Variants in PRDM12 observed in about 807,000 individuals in gnomAD.
The protein encoded by PRDM12 is PR domain zinc finger protein 12.
A neutral mutation model predicts 29.6 loss-of-function variants in PRDM12; 17 were observed. The ratio of observed to expected loss-of-function variants is 0.57; its 90% CI spans 0.39 to 0.86. PRDM12 has a LOEUF of 0.86. Ranked by LOEUF, PRDM12 falls within the 40% of genes least tolerant of loss-of-function variation. The pLI is 0.00. For synonymous variants in PRDM12, 231 were observed against 225.8 expected, an observed-to-expected ratio of 1.02 and a Z score of -0.21; for missense variants, 422 against 510.8, an observed-to-expected ratio of 0.83 and a Z score of 1.68.
chr9:130,671,061 C>T (rs893276726), intron 3 of PRDM12, among the ~76,000 whole-genome samples: 1 of 152,090 alleles, frequency 6.6e-6, no homozygotes, highest in African/African-American at 2.4e-5. Flanking sequence ...AAAAGAGGAT[C>T]AGGCAGGGCA....
At position 130,664,875 on chromosome 9, in the gene PRDM12, C is replaced by G; in HGVS notation, c.222C>G (p.Gly74=). The change falls in exon 1 of 5, where the codon GGC becomes GGG. Residue 74 remains glycine (G), a splice_region_variant and synonymous_variant. Transcript: ENST00000253008. The surrounding 1 kb of genome is among the most constrained non-coding windows in gnomAD (Gnocchi z 6.4). The part of the protein sequence containing the change: ...TAEVLAQSFS[G]EVQKLSSLVL... Reference sequence around the variant, plus strand: ...AGGTGCTGGCGCAGTCCTTCTCCGGCGGTGAGTCCAGCCGTCGGAGCCCGG... The same window carrying G: ...AGGTGCTGGCGCAGTCCTTCTCCGGGGGTGAGTCCAGCCGTCGGAGCCCGG... 6.5e-7 allele frequency: 1 copy of G among 1,535,682 alleles called. No individual in the cohort carries two copies. The highest frequency in any genetic ancestry group is 8.8e-7 in the Non-Finnish European group (1 of 1,140,196).
At chr9:130,669,522 C>CA (rs1414521679) in intron 3 of PRDM12, among the ~76,000 whole-genome samples, 9,200 of 133,040 alleles carry the variant, frequency 0.069, 326 homozygotes, top group South Asian at 0.11. Context: ...GACTCCATCT[C>CA]AAAAAAAAAA....
intron 3 of PRDM12, among the ~76,000 whole-genome samples, chr9:130,677,001 A>C (rs745714199): frequency 9.2e-5 from 14 of 151,814 alleles, no homozygotes; most frequent in Non-Finnish European, 1.5e-4. Context: ...ATCTCGGCTT[A>C]CTGCAACCTC....
chr9:130,674,441 A>G (rs1322118634), intron 3 of PRDM12, among the ~76,000 whole-genome samples: 1 of 151,464 alleles, frequency 6.6e-6, no homozygotes, highest in Non-Finnish European at 1.5e-5. Context: ...GAGCCACCAC[A>G]CCCAAACTGT....
chr9:130,674,651 G>A (rs1055514108), intron 3 of PRDM12, among the ~76,000 whole-genome samples: 2 of 152,048 alleles, frequency 1.3e-5, no homozygotes, highest in South Asian at 2.1e-4. Context: ...AATGGCAAAC[G>A]CTTCTGGGGA....
chr9:130,668,777 T>A lies in PRDM12; in HGVS notation c.570+464T>A, dbSNP rs1212919004. On this transcript the variant is annotated intron_variant, in intron 3 of 4. Coordinates refer to ENST00000253008, the MANE Select transcript of PRDM12 (RefSeq NM_021619.3). The surrounding 1 kb of genome is among the most constrained non-coding windows in gnomAD (Gnocchi z 4.0). ...ATGGGCACCAGTGGCTTACGGCTCA[T>A]GACTCCAGACTCAGCGATGGCTCCC... is the stretch of plus-strand genomic sequence containing the variant. 6.6e-6 allele frequency among the ~76,000 whole-genome samples: 1 copy of A among 152,172 alleles called. No individual in the cohort carries two copies. The highest frequency in any genetic ancestry group is 1.5e-5 in the Non-Finnish European group (1 of 68,034).
intron 1 of PRDM12, among the ~76,000 whole-genome samples, chr9:130,666,020 C>A (rs1432860221): frequency 6.6e-6 from 1 of 152,178 alleles, no homozygotes; most frequent in African/African-American, 2.4e-5. Flanking sequence ...GACTCGGGCG[C>A]GCCCGGGGTC....
chr9:130,665,279 C>T (rs1278826988), intron 1 of PRDM12, among the ~76,000 whole-genome samples: 1 of 132,656 alleles, frequency 7.5e-6, no homozygotes, highest in Admixed American at 8.1e-5. Flanking sequence ...CCACTTAAAC[C>T]AAGAACTTTA....
intron 3 of PRDM12, among the ~76,000 whole-genome samples, chr9:130,676,378 C>T (rs974280137): frequency 3.2e-4 from 48 of 152,076 alleles, no homozygotes; most frequent in African/African-American, 5.6e-4. Context: ...CACCTGTAGT[C>T]CCAGCTACTC....
intron 3 of PRDM12, among the ~76,000 whole-genome samples, chr9:130,678,328 G>C (rs1001193993): frequency 2.0e-5 from 3 of 151,898 alleles, no homozygotes; most frequent in African/African-American, 7.3e-5. Flanking sequence ...GCAGGGAGAG[G>C]GGGGCAGAGG....
chr9:130,671,374 GACAC>G (rs56920587), intron 3 of PRDM12, among the ~76,000 whole-genome samples: 5,212 of 135,644 alleles, frequency 0.038, 155 homozygotes, highest in East Asian at 0.15. Flanking sequence ...AGAGGATCAG[GACAC>G]ACACACACAC....
intron 3 of PRDM12, among the ~76,000 whole-genome samples, chr9:130,678,273 C>T (rs1296615691): frequency 1.3e-5 from 2 of 151,828 alleles, no homozygotes. Context: ...GTGCTGTCAG[C>T]TTGGAAGCAC....
At chr9:130,669,510 G>A (rs910592036) in intron 3 of PRDM12, among the ~76,000 whole-genome samples, 7 of 150,228 alleles carry the variant, frequency 4.7e-5, no homozygotes, top group African/African-American at 1.2e-4. Flanking sequence ...GTGACACAGT[G>A]AGACTCCATC....
At chr9:130,675,539 G>A (rs111788945) in intron 3 of PRDM12, among the ~76,000 whole-genome samples, 2 of 152,224 alleles carry the variant, frequency 1.3e-5, no homozygotes, top group Non-Finnish European at 2.9e-5. Flanking sequence ...ACCTGGATGC[G>A]CCAGAAACCG....
rs150961111 is a variant in PRDM12, at chr9:130,668,715, A to C, written c.570+402A>C. 1.3e-3 allele frequency among the ~76,000 whole-genome samples: 202 copies of C among 152,224 alleles called. No individual in the cohort carries two copies. The highest frequency in any genetic ancestry group is 4.8e-3 in the African/African-American group (198 of 41,530). ...GGTGGGAGAGAGGGCGTGTGTCTGC[A>C]GCCGTTTAGCTGTCTGATGGCCCTC... On this transcript the variant is annotated intron_variant, in intron 3 of 4. Transcript: ENST00000253008. The surrounding 1 kb of genome is among the most constrained non-coding windows in gnomAD (Gnocchi z 4.0).
chr9:130,676,276 A>G (rs895052803), intron 3 of PRDM12, among the ~76,000 whole-genome samples: 43 of 152,106 alleles, frequency 2.8e-4, no homozygotes, highest in African/African-American at 9.2e-4. Context: ...GGATCACGAG[A>G]TCAGGAGATC....
At chr9:130,673,503 CTT>C (rs1001762614) in intron 3 of PRDM12, among the ~76,000 whole-genome samples, 1 of 149,200 alleles carries the variant, frequency 6.7e-6, no homozygotes, top group Non-Finnish European at 1.5e-5. Flanking sequence ...CCAGCAGCCT[CTT>C]TTTTTTTTCT....
At chr9:130,673,473 AAT>A (rs1426338837) in intron 3 of PRDM12, among the ~76,000 whole-genome samples, 2 of 151,762 alleles carry the variant, frequency 1.3e-5, no homozygotes, top group Non-Finnish European at 2.9e-5. Context: ...GCTGTCTGGA[AAT>A]ATGTGTCATT....
chr9:130,670,841 G>A (rs920739994), intron 3 of PRDM12, among the ~76,000 whole-genome samples: 27 of 152,246 alleles, frequency 1.8e-4, no homozygotes, highest in African/African-American at 6.3e-4. Context: ...TGGCAAGAGG[G>A]CTCCAGGCTG....
Sources: allele counts gnomAD v4.1 joint callset (sites outside exome capture counted in the v4.1 genomes callset), GRCh38; gene constraint gnomAD v4.1.1; non-coding constraint Gnocchi (gnomAD v3.1); transcripts MANE v1.5; gene names NCBI Gene and HGNC (gene_info 2026-07-23, HGNC 2026-07-21).